Variants in ASTN2 observed in about 807,000 individuals in gnomAD.
ASTN2 encodes the protein astrotactin-2.
Under a neutral mutation model 139.8 loss-of-function variants are expected in ASTN2, and 54 were observed. The observed-to-expected ratio is 0.39, with a 90% CI of 0.31 to 0.48. ASTN2 has a LOEUF of 0.48. ASTN2 is among the 20% of genes least tolerant of loss of function. The pLI is 0.95. For missense variants in ASTN2, 1,565 were observed against 1,725.1 expected (o/e 0.91, Z 1.64); for synonymous variants, 756 against 719.5 (o/e 1.05, Z -0.81).
chr9:116,653,486 A>G (rs1858039571), intron 16 of ASTN2, among the ~76,000 whole-genome samples: 1 of 152,240 alleles, frequency 6.6e-6, no homozygotes, highest in African/African-American at 2.4e-5. Context: ...TTCCTTTTAC[A>G]TCACAGACTA....
intron 16 of ASTN2, among the ~76,000 whole-genome samples, chr9:116,720,560 TTC>T (rs3041029): frequency 1.4e-3 from 214 of 147,902 alleles, no homozygotes; most frequent in Admixed American, 1.5e-3. Flanking sequence ...CTCCCCTCTT[TTC>T]TCTCTCTCTC....
intron 3 of ASTN2, among the ~76,000 whole-genome samples, chr9:117,209,236 C>G (rs542572619): frequency 9.5e-4 from 145 of 152,140 alleles, no homozygotes; most frequent in African/African-American, 3.3e-3. Context: ...GAACTAAATT[C>G]CCCATTAAGA....
chr9:117,202,799 T>A (rs563157725), intron 3 of ASTN2, among the ~76,000 whole-genome samples: 1 of 152,232 alleles, frequency 6.6e-6, no homozygotes, highest in African/African-American at 2.4e-5. Context: ...GAAAATCTGA[T>A]GATTATGTGT....
intron 20 of ASTN2, among the ~76,000 whole-genome samples, chr9:116,475,487 A>C (rs1482075053): frequency 6.6e-6 from 1 of 151,920 alleles, no homozygotes; most frequent in Non-Finnish European, 1.5e-5. Flanking sequence ...GTAGTGATCC[A>C]AAATCAATCT....
chr9:116,687,216 G>A, intron 16 of ASTN2: 1 of 1,006,454 alleles, frequency 9.9e-7, no homozygotes, highest in Non-Finnish European at 1.2e-6. Flanking sequence ...GCGCGCTTGG[G>A]GCCAGCTGCA....
At chr9:117,195,393 T>C (rs561709389) in intron 3 of ASTN2, among the ~76,000 whole-genome samples, 1 of 152,088 alleles carries the variant, frequency 6.6e-6, no homozygotes, top group Non-Finnish European at 1.5e-5. Flanking sequence ...GTCTGGAGCA[T>C]GGAGGGCAAC....
intron 19 of ASTN2, among the ~76,000 whole-genome samples, chr9:116,596,440 CCAAA>C (rs1351656587): frequency 1.3e-5 from 2 of 152,078 alleles, no homozygotes; most frequent in South Asian, 2.1e-4. Context: ...AGTGTTCTTA[CCAAA>C]CACACACATG....
intron 16 of ASTN2, among the ~76,000 whole-genome samples, chr9:116,715,079 C>CAAAA: frequency 8.7e-6 from 1 of 114,898 alleles, no homozygotes; most frequent in Non-Finnish European, 1.9e-5. Flanking sequence ...GACTCCGTCT[C>CAAAA]AAAAAAAAAA....
At chr9:116,935,312 T>A (rs1028377704) in intron 10 of ASTN2, among the ~76,000 whole-genome samples, 13 of 152,230 alleles carry the variant, frequency 8.5e-5, no homozygotes, top group Non-Finnish European at 2.9e-5. Context: ...TTATCCCTTC[T>A]GTTTAAAATA....
At chr9:116,715,725 A>G (rs1828293578) in intron 16 of ASTN2, among the ~76,000 whole-genome samples, 1 of 152,202 alleles carries the variant, frequency 6.6e-6, no homozygotes, top group African/African-American at 2.4e-5. Flanking sequence ...GGGATCTTTG[A>G]GAGCAGGGAC....
rs146255684 is a variant in ASTN2 at position 116,878,093 on chromosome 9, C to G, written c.1890-14360G>C. 6.4e-3 allele frequency among the ~76,000 whole-genome samples: 976 copies of G among 152,306 alleles called. 5 individuals are homozygous for G. Among genetic ancestry groups the G allele is most frequent in the African/African-American group, 0.022 (918 of 41,566 alleles). On this transcript the variant is annotated intron_variant, in intron 10 of 22. Coordinates refer to ENST00000313400, the MANE Select transcript of ASTN2 (RefSeq NM_001365068.1). ...GTGAAGCTGTGGACAAATAGGAACA[C>G]TTTTACACTGTTGGAGGGAATGTAA...
intron 5 of ASTN2, among the ~76,000 whole-genome samples, chr9:117,060,585 C>CAGGA (rs1554774170): frequency 0.042 from 5,512 of 132,026 alleles, 296 homozygotes; most frequent in African/African-American, 0.12. Context: ...GGAAAGAAGG[C>CAGGA]AGGAAGGAAG....
At chr9:117,353,021 G>A (rs753488779) in intron 1 of ASTN2, among the ~76,000 whole-genome samples, 1 of 152,168 alleles carries the variant, frequency 6.6e-6, no homozygotes, top group Non-Finnish European at 1.5e-5. Flanking sequence ...GCATGGAATG[G>A]GGAGTTATTG....
intron 10 of ASTN2, among the ~76,000 whole-genome samples, chr9:116,883,113 G>A (rs190393859): frequency 7.2e-5 from 11 of 152,246 alleles, no homozygotes; most frequent in African/African-American, 2.2e-4. Flanking sequence ...TGTTTATAAT[G>A]GGGCAAAATG....
intron 10 of ASTN2, among the ~76,000 whole-genome samples, chr9:116,937,718 T>A (rs1835118587): frequency 6.6e-6 from 1 of 152,148 alleles, no homozygotes; most frequent in East Asian, 1.9e-4. Flanking sequence ...GGAATTGAAA[T>A]TAAAAAAAAT....
At chr9:116,780,394 A>C (rs1196823120) in intron 13 of ASTN2, among the ~76,000 whole-genome samples, 2 of 152,348 alleles carry the variant, frequency 1.3e-5, no homozygotes, top group Middle Eastern at 3.4e-3. Context: ...AGGCGTTCTC[A>C]TTCTGCTCCC....
chr9:116,721,643 C>G (rs1219491866), intron 16 of ASTN2, among the ~76,000 whole-genome samples: 3 of 152,066 alleles, frequency 2.0e-5, no homozygotes, highest in Non-Finnish European at 4.4e-5. Flanking sequence ...CTAGAGCTTC[C>G]AGGGATGACT....
chr9:116,753,550 C>T (rs1033020648), intron 13 of ASTN2, among the ~76,000 whole-genome samples: 1 of 152,130 alleles, frequency 6.6e-6, no homozygotes, highest in Admixed American at 6.5e-5. Context: ...CAATGGAATA[C>T]ATTTCACAAC....
intron 7 of ASTN2, among the ~76,000 whole-genome samples, chr9:117,003,941 C>T (rs947802422): frequency 6.4e-5 from 8 of 125,332 alleles, no homozygotes; most frequent in African/African-American, 2.3e-4. Flanking sequence ...GTTTCTTTCA[C>T]GCGCGCGCGC....
Sources: allele counts gnomAD v4.1 joint callset (sites outside exome capture counted in the v4.1 genomes callset), GRCh38; gene constraint gnomAD v4.1.1; transcripts MANE v1.5; gene names NCBI Gene and HGNC (gene_info 2026-07-23, HGNC 2026-07-21).